TBC1D19: variants seen among roughly 807,000 people sequenced by gnomAD.
TBC1D19 encodes the protein TBC1 domain family, member 19.
Under a neutral mutation model 89.0 loss-of-function variants are expected in TBC1D19, and 60 were observed. The ratio of observed to expected loss-of-function variants is 0.67; its 90% CI spans 0.55 to 0.84. The LOEUF is 0.84. Among genes scored for constraint, TBC1D19 ranks in the 40% least tolerant of loss-of-function variants. The pLI is 0.00. For missense variants in TBC1D19, 500 were observed against 610.8 expected (o/e 0.82, Z 1.91); for synonymous variants, 189 against 199.7 (o/e 0.95, Z 0.45).
the TBC1D19 span, among the ~76,000 whole-genome samples, chr4:26,850,761 G>T: frequency 6.6e-6 from 1 of 152,018 alleles, no homozygotes; most frequent in African/African-American, 2.4e-5. Flanking sequence ...AATTTCTGTT[G>T]GTTAAGCCGC....
chr4:26,817,678 G>A, the TBC1D19 span, among the ~76,000 whole-genome samples: 9 of 151,954 alleles, frequency 5.9e-5, no homozygotes, highest in African/African-American at 1.9e-4. Flanking sequence ...CTAAAATATG[G>A]TATTCTAGGC....
chr4:26,708,322 G>C (rs1014608641), intron 13 of TBC1D19, among the ~76,000 whole-genome samples: 11 of 151,980 alleles, frequency 7.2e-5, no homozygotes, highest in Non-Finnish European at 4.4e-5. Flanking sequence ...TTTCTGATGA[G>C]AAATCTGCTA....
the TBC1D19 span, among the ~76,000 whole-genome samples, chr4:26,852,771 C>T: frequency 6.6e-6 from 1 of 151,772 alleles, no homozygotes; most frequent in African/African-American, 2.4e-5. Flanking sequence ...AGGCGCCTGC[C>T]ACCATGCCCA....
chr4:26,639,957 T>A (rs764445295), intron 6 of TBC1D19, among the ~76,000 whole-genome samples, 184 bp from the exon 7 acceptor site: 4 of 152,214 alleles, frequency 2.6e-5, no homozygotes, highest in Non-Finnish European at 4.4e-5. Context: ...TCATCTAGGA[T>A]GTTAAGGGCA....
intron 4 of TBC1D19, among the ~76,000 whole-genome samples, chr4:26,628,460 G>A (rs1410666691): frequency 6.6e-6 from 1 of 151,974 alleles, no homozygotes. Flanking sequence ...AGACAGGGAT[G>A]CCCTCTCTCA....
intron 4 of TBC1D19, among the ~76,000 whole-genome samples, chr4:26,633,027 T>C (rs1227967711): frequency 6.6e-6 from 1 of 152,176 alleles, no homozygotes; most frequent in East Asian, 1.9e-4. Flanking sequence ...TGGTCATATC[T>C]ACAATCTCTT....
chr4:26,628,172 G>C (rs1742556616), intron 4 of TBC1D19, among the ~76,000 whole-genome samples: 2 of 152,054 alleles, frequency 1.3e-5, no homozygotes, highest in South Asian at 4.1e-4. Flanking sequence ...GTTTTTCTCA[G>C]GTTTGTCAAA....
chr4:26,779,605 C>G, the TBC1D19 span, among the ~76,000 whole-genome samples: 1 of 152,228 alleles, frequency 6.6e-6, no homozygotes, highest in Non-Finnish European at 1.5e-5. Context: ...TGTGTGCTTA[C>G]TTGGGTTTTG....
At chr4:26,778,252 A>T in the TBC1D19 span, among the ~76,000 whole-genome samples, 1 of 151,976 alleles carries the variant, frequency 6.6e-6, no homozygotes, top group Non-Finnish European at 1.5e-5. Flanking sequence ...CGTCTCTACT[A>T]AAAAATAGAA....
At chr4:26,700,258 A>G (rs1715204816) in intron 13 of TBC1D19, among the ~76,000 whole-genome samples, 2 of 152,166 alleles carry the variant, frequency 1.3e-5, no homozygotes, top group Admixed American at 1.3e-4. Context: ...CAAGAAACTC[A>G]TCCAAGAAAC....
chr4:26,659,438 C>T (rs989715427), intron 7 of TBC1D19, among the ~76,000 whole-genome samples, 159 bp from the exon 8 acceptor site: 1 of 152,004 alleles, frequency 6.6e-6, no homozygotes, highest in Non-Finnish European at 1.5e-5. Flanking sequence ...ATTAACATTT[C>T]AATATACTTT....
chr4:26,681,424 AC>A (rs1297551636), intron 11 of TBC1D19, among the ~76,000 whole-genome samples: 2 of 151,840 alleles, frequency 1.3e-5, no homozygotes, highest in Non-Finnish European at 2.9e-5. Context: ...GGTGCTGGGC[AC>A]CTGTAGTCCC....
intron 3 of TBC1D19, among the ~76,000 whole-genome samples, chr4:26,618,225 C>A (rs1388973668): frequency 2.0e-5 from 3 of 152,158 alleles, no homozygotes; most frequent in African/African-American, 7.2e-5. Flanking sequence ...GAGGCAATTA[C>A]AGTACAGTAA....
intron 15 of TBC1D19, among the ~76,000 whole-genome samples, chr4:26,730,256 G>C (rs575673984): frequency 1.3e-5 from 2 of 152,128 alleles, no homozygotes; most frequent in African/African-American, 4.8e-5. Context: ...TGGATATAGA[G>C]ATACATAAAT....
the TBC1D19 span, among the ~76,000 whole-genome samples, chr4:26,774,120 G>T: frequency 2.6e-5 from 4 of 152,162 alleles, no homozygotes; most frequent in Admixed American, 2.0e-4. Context: ...CTTTTGGGGG[G>T]CAGGGCTCCT....
At chr4:26,766,026 C>A in the TBC1D19 span, among the ~76,000 whole-genome samples, 2 of 152,088 alleles carry the variant, frequency 1.3e-5, no homozygotes, top group Admixed American at 1.3e-4. Context: ...GATGGACTGA[C>A]CCATGGTGGG....
chr4:26,652,065 A>C (rs1005129756), intron 7 of TBC1D19, among the ~76,000 whole-genome samples: 2 of 152,108 alleles, frequency 1.3e-5, no homozygotes, highest in African/African-American at 4.8e-5. Flanking sequence ...GATGAAGCCC[A>C]CTAGATCATG....
At chr4:26,807,296 C>T in the TBC1D19 span, among the ~76,000 whole-genome samples, 1 of 152,096 alleles carries the variant, frequency 6.6e-6, no homozygotes, top group African/African-American at 2.4e-5. Flanking sequence ...AGCCGCCACC[C>T]GCAACAAGAC....
the TBC1D19 span, among the ~76,000 whole-genome samples, chr4:26,821,571 C>T: frequency 6.6e-6 from 1 of 152,204 alleles, no homozygotes; most frequent in African/African-American, 2.4e-5. Flanking sequence ...CTTGAAATCT[C>T]ACAGGACCTA....
Sources: allele counts gnomAD v4.1 joint callset (sites outside exome capture counted in the v4.1 genomes callset), GRCh38; gene constraint gnomAD v4.1.1; transcripts MANE v1.5; gene names NCBI Gene and HGNC (gene_info 2026-07-23, HGNC 2026-07-21).